The following ANK3 variants were observed in gnomAD, a reference collection of about 807,000 sequenced individuals.
The protein encoded by ANK3 is ankyrin-3.
Under a neutral mutation model 370.9 loss-of-function variants are expected in ANK3, and 57 were observed. The observed-to-expected ratio is 0.15, with a 90% confidence interval of 0.12 to 0.19. ANK3 has a LOEUF of 0.19. Among genes scored for constraint, ANK3 ranks in the 10% least tolerant of loss-of-function variants. The pLI is 1.00. For missense variants in ANK3, 4,439 were observed against 5,302.1 expected, an observed-to-expected ratio of 0.84 and a Z score of 5.06; for synonymous variants, 1,929 against 1,946.3, an observed-to-expected ratio of 0.99 and a Z score of 0.23.
At chr10:60,127,636 T>C (rs1417210076) in intron 25 of ANK3, among the ~76,000 whole-genome samples, 1 of 152,140 alleles carries the variant, frequency 6.6e-6, no homozygotes, top group Non-Finnish European at 1.5e-5. Context: ...TTTATCTGTC[T>C]GAAGGTCAAA....
At chr10:60,096,830 C>T (rs1407340339) in intron 28 of ANK3, among the ~76,000 whole-genome samples, 2 of 152,156 alleles carry the variant, frequency 1.3e-5, no homozygotes, top group African/African-American at 2.4e-5. Context: ...AATAACTCCA[C>T]AGCTACAGAA....
At chr10:60,174,946 C>T (rs1003505840) in intron 18 of ANK3, among the ~76,000 whole-genome samples, 1 of 152,112 alleles carries the variant, frequency 6.6e-6, no homozygotes, top group African/African-American at 2.4e-5. Context: ...TCTCAAACTC[C>T]TGGGCTCAAG....
intron 2 of ANK3, among the ~76,000 whole-genome samples, chr10:60,547,436 C>A (rs541619006): frequency 9.9e-5 from 15 of 151,928 alleles, no homozygotes; most frequent in Non-Finnish European, 2.1e-4. Flanking sequence ...GAGTATCGCT[C>A]TGTTGCCCGG....
chr10:60,573,093 G>A (rs1459293557), intron 2 of ANK3: 22 of 730,984 alleles, frequency 3.0e-5, no homozygotes, highest in Non-Finnish European at 3.7e-5. Context: ...CATACCGGAG[G>A]AGGCAGTCGG....
chr10:60,137,385 AAAAAAAAC>A (rs1403738924), intron 24 of ANK3: 1 of 368,106 alleles, frequency 2.7e-6, no homozygotes, highest in African/African-American at 2.2e-5. Flanking sequence ...AAAAAAAAAA[AAAAAAAAC>A]AAGAAATAGA....
intron 2 of ANK3, among the ~76,000 whole-genome samples, chr10:60,566,032 G>A (rs911592630): frequency 8.5e-5 from 13 of 152,156 alleles, no homozygotes; most frequent in Non-Finnish European, 1.6e-4. Context: ...GTGTCTCTGG[G>A]TCACATTTTG....
chr10:60,256,536 G>A (rs547020089), intron 7 of ANK3, among the ~76,000 whole-genome samples: 6 of 152,136 alleles, frequency 3.9e-5, no homozygotes, highest in Non-Finnish European at 7.3e-5. Context: ...GGTTTGTTAC[G>A]TGGGTATATT....
At chr10:60,342,630 G>C (rs954024000) in intron 1 of ANK3, among the ~76,000 whole-genome samples, 6 of 152,114 alleles carry the variant, frequency 3.9e-5, no homozygotes, top group African/African-American at 1.4e-4. Flanking sequence ...TATTTTCTTG[G>C]GTCGAAGTCA....
At chr10:60,186,036 T>C (rs1033963570) in intron 17 of ANK3, among the ~76,000 whole-genome samples, 1 of 152,234 alleles carries the variant, frequency 6.6e-6, no homozygotes, top group African/African-American at 2.4e-5. Context: ...GTTATTAAAA[T>C]GAACTCACGA....
At chr10:60,415,624 C>A (rs2063646078) in intron 2 of ANK3, among the ~76,000 whole-genome samples, 1 of 152,030 alleles carries the variant, frequency 6.6e-6, no homozygotes, top group African/African-American at 2.4e-5. Flanking sequence ...CAATGAAATT[C>A]TGGGTTATTA....
chr10:60,531,868 T>C (rs1031936126), intron 2 of ANK3, among the ~76,000 whole-genome samples: 3 of 152,018 alleles, frequency 2.0e-5, no homozygotes, highest in Non-Finnish European at 4.4e-5. Context: ...TGAAAAGATA[T>C]CTCTAGGAAT....
chr10:60,248,342 T>A (rs2097586376), intron 7 of ANK3, among the ~76,000 whole-genome samples: 1 of 152,222 alleles, frequency 6.6e-6, no homozygotes, highest in African/African-American at 2.4e-5. Context: ...ACCGGCTATT[T>A]TCTGATTTTT....
intron 1 of ANK3, among the ~76,000 whole-genome samples, chr10:60,372,446 TGAAGA>T (rs972486855): frequency 2.0e-5 from 3 of 152,112 alleles, no homozygotes; most frequent in Non-Finnish European, 2.9e-5. Context: ...GCGTTTAACT[TGAAGA>T]GAAGCAGCAG....
chr10:60,096,397 A>T (rs1294602246), intron 28 of ANK3, among the ~76,000 whole-genome samples: 1 of 152,190 alleles, frequency 6.6e-6, no homozygotes. Flanking sequence ...CATCCTATAC[A>T]TTACAGAAAA....
intron 7 of ANK3, among the ~76,000 whole-genome samples, chr10:60,256,928 G>A (rs1054973098): frequency 6.6e-6 from 1 of 152,156 alleles, no homozygotes; most frequent in Non-Finnish European, 1.5e-5. Flanking sequence ...GTGCTTCAAT[G>A]AACATGTGAA....
chr10:60,169,230 T>C (rs1014289056), intron 21 of ANK3, among the ~76,000 whole-genome samples: 3 of 152,266 alleles, frequency 2.0e-5, no homozygotes, highest in East Asian at 1.9e-4. Context: ...TTTGTAATAA[T>C]TGCCATTCTG....
At chr10:60,425,242 G>C (rs939925535) in intron 2 of ANK3, among the ~76,000 whole-genome samples, 1 of 152,090 alleles carries the variant, frequency 6.6e-6, no homozygotes, top group African/African-American at 2.4e-5. Flanking sequence ...GTAAGTGACA[G>C]AGTCAGACTT....
intron 8 of ANK3, among the ~76,000 whole-genome samples, chr10:60,221,360 G>A (rs892693143): frequency 9.9e-5 from 15 of 152,128 alleles, no homozygotes; most frequent in African/African-American, 2.7e-4. Flanking sequence ...GATTACAGGC[G>A]TGAGCCATCG....
At chr10:60,139,508 GGGAA>G (rs1385660921) in intron 23 of ANK3, 1 of 158,646 alleles carries the variant, frequency 6.3e-6, no homozygotes, top group African/African-American at 2.4e-5. Context: ...AATTATATGT[GGGAA>G]GGAAACAGAC....
Sources: allele counts gnomAD v4.1 joint callset (sites outside exome capture counted in the v4.1 genomes callset), GRCh38; gene constraint gnomAD v4.1.1; transcripts MANE v1.5; gene names NCBI Gene and HGNC (gene_info 2026-07-23, HGNC 2026-07-21).